EPHX1: variants seen among roughly 807,000 people sequenced by gnomAD.
EPHX1 encodes epoxide hydrolase 1.
In EPHX1, 40 loss-of-function variants were observed where a neutral mutation model predicts 43.2. The observed-to-expected ratio is 0.93, with a 90% CI of 0.72 to 1.21. The LOEUF (loss-of-function observed/expected upper bound fraction) is 1.21, where lower values mean the gene tolerates loss of function less well. EPHX1 is among the 50% of genes most tolerant of loss of function. The probability of loss-of-function intolerance (pLI) is 0.00; values close to 1 mark genes in which losing one functional copy is unlikely to be tolerated. For missense variants in EPHX1, 550 were observed against 570.4 expected, an observed-to-expected ratio of 0.96 and a Z score of 0.36; for synonymous variants, 221 against 226.7, an observed-to-expected ratio of 0.98 and a Z score of 0.22.
intron 1 of EPHX1, among the ~76,000 whole-genome samples, chr1:225,814,922 A>T (rs890421936): frequency 6.6e-6 from 1 of 152,258 alleles, no homozygotes; most frequent in African/African-American, 2.4e-5. Flanking sequence ...CCAAGCCCCA[A>T]GGCCATCTTT....
chr1:225,811,391 C>T (rs1202938785), intron 1 of EPHX1, among the ~76,000 whole-genome samples: 1 of 152,192 alleles, frequency 6.6e-6, no homozygotes, highest in African/African-American at 2.4e-5. Flanking sequence ...TCCGCCCCTA[C>T]AGGCAACACT....
intron 1 of EPHX1, 79 bp downstream of exon 1, chr1:225,810,248 G>A (rs1180801833): frequency 8.6e-5 from 13 of 151,324 alleles, no homozygotes; most frequent in African/African-American, 3.1e-4. Context: ...CGGCCGCCGG[G>A]GTGGGCGGCG....
chr1:225,841,182 T>G (rs1428844509), intron 6 of EPHX1: 1 of 152,242 alleles, frequency 6.6e-6, no homozygotes, highest in Non-Finnish European at 1.5e-5. Flanking sequence ...TGTGCCTGTT[T>G]AAGTCCTATG....
intron 3 of EPHX1, among the ~76,000 whole-genome samples, chr1:225,834,899 C>T (rs932754548): frequency 4.6e-5 from 7 of 152,224 alleles, no homozygotes; most frequent in East Asian, 3.9e-4. Flanking sequence ...GGGCTGGGGA[C>T]GCATAGAGAG....
At chr1:225,836,918 C>T (rs937920256) in intron 3 of EPHX1, among the ~76,000 whole-genome samples, 2 of 152,134 alleles carry the variant, frequency 1.3e-5, no homozygotes, top group Non-Finnish European at 2.9e-5. Context: ...AAGGGTAGGA[C>T]CCATATTAAG....
intron 1 of EPHX1, among the ~76,000 whole-genome samples, chr1:225,813,416 C>T (rs1261372339): frequency 6.6e-6 from 1 of 152,178 alleles, no homozygotes; most frequent in Non-Finnish European, 1.5e-5. Context: ...AGAAGGCACC[C>T]CAGCAGTTCC....
At position 225,831,573 on chromosome 1, in the gene EPHX1, A is replaced by G. The variant is rs57939013; in HGVS notation, c.184-206A>G. Among the ~76,000 whole-genome samples the G allele has an allele frequency of 6.5e-3, 974 of 150,890 alleles. 9 individuals carry two copies. The highest frequency in any genetic ancestry group is 0.022 in the African/African-American group (911 of 40,964). On this transcript the variant is annotated intron_variant, in intron 2 of 8. Coordinates refer to ENST00000272167, the MANE Select transcript of EPHX1 (RefSeq NM_001136018.4). ...AAAAAAAAAAAAGAAAAAAGAAAAA[A>G]GAAATGCGAAGTCTACAGTGAAGAA...
chr1:225,818,672 G>C (rs1666834983), intron 1 of EPHX1, among the ~76,000 whole-genome samples: 1 of 152,134 alleles, frequency 6.6e-6, no homozygotes, highest in Non-Finnish European at 1.5e-5. Context: ...ATTGATACCA[G>C]TAGCACTCTG....
chr1:225,842,589 T>A, intron 7 of EPHX1, 115 bp downstream of exon 7: 1 of 826,230 alleles, frequency 1.2e-6, no homozygotes, highest in Non-Finnish European at 2.1e-6. Context: ...AATTCTATTG[T>A]TGGCTTTCTT....
At chr1:225,836,415 G>A (rs45447799) in intron 3 of EPHX1, among the ~76,000 whole-genome samples, 48 of 152,246 alleles carry the variant, frequency 3.2e-4, no homozygotes, top group Admixed American at 5.9e-4. Context: ...GCAACATAGC[G>A]AGACCCCTTC....
chr1:225,832,443 G>C (rs1242916144), intron 3 of EPHX1, among the ~76,000 whole-genome samples: 1 of 152,252 alleles, frequency 6.6e-6, no homozygotes, highest in South Asian at 2.1e-4. Flanking sequence ...GGCTGAAGCA[G>C]AGAATTGCTT....
chr1:225,822,968 T>C (rs886531678), intron 1 of EPHX1, among the ~76,000 whole-genome samples: 1 of 152,182 alleles, frequency 6.6e-6, no homozygotes, highest in African/African-American at 2.4e-5. Flanking sequence ...CAGGGGCTCC[T>C]CTGGGGTCTG....
intron 3 of EPHX1, among the ~76,000 whole-genome samples, chr1:225,834,205 G>C (rs1201241644): frequency 6.7e-6 from 1 of 150,016 alleles, no homozygotes; most frequent in African/African-American, 2.5e-5. Flanking sequence ...AAGAGATCGA[G>C]ACCATCCTGG....
intron 1 of EPHX1, among the ~76,000 whole-genome samples, chr1:225,826,531 C>T (rs977862081): frequency 9.9e-5 from 15 of 151,212 alleles, no homozygotes; most frequent in African/African-American, 3.6e-4. Context: ...CCACGTGTCT[C>T]CAGCAGGGAT....
At chr1:225,839,441 A>T (rs1576028830) in intron 5 of EPHX1, 95 bp downstream of exon 5, 1 of 1,567,000 alleles carries the variant, frequency 6.4e-7, no homozygotes, top group Non-Finnish European at 8.6e-7. Context: ...TGGGCCAAGG[A>T]CCCCCCAGGG....
chr1:225,829,812 C>T (rs554416441), intron 2 of EPHX1, among the ~76,000 whole-genome samples: 32 of 152,262 alleles, frequency 2.1e-4, no homozygotes, highest in Non-Finnish European at 2.6e-4. Context: ...CGGTGGCTCA[C>T]GCTTTTAATC....
chr1:225,824,778 G>A (rs1009480611), intron 1 of EPHX1, among the ~76,000 whole-genome samples: 2 of 152,222 alleles, frequency 1.3e-5, no homozygotes, highest in Non-Finnish European at 2.9e-5. Context: ...GCAGCAAGAA[G>A]AAGGACTGTT....
intron 1 of EPHX1, among the ~76,000 whole-genome samples, chr1:225,813,367 T>A (rs981472849): frequency 1.3e-5 from 2 of 152,074 alleles, no homozygotes; most frequent in African/African-American, 4.8e-5. Flanking sequence ...GAGCAGAGTC[T>A]CCAAGGGGCT....
chr1:225,816,453 A>G (rs963251839), intron 1 of EPHX1, among the ~76,000 whole-genome samples: 1 of 152,186 alleles, frequency 6.6e-6, no homozygotes, highest in South Asian at 2.1e-4. Context: ...TTTAGAACCA[A>G]TGGAAGCAAC....
Sources: gnomAD v4.1 joint callset for allele counts (sites outside exome capture counted in the v4.1 genomes callset) on GRCh38, gnomAD v4.1.1 for gene constraint, MANE v1.5 for transcripts, NCBI Gene and HGNC (gene_info 2026-07-23, HGNC 2026-07-21) for gene names.